Variants in OPCML observed in about 807,000 individuals in gnomAD.
OPCML encodes the protein opioid binding protein/cell adhesion molecule like.
A neutral mutation model predicts 37.8 loss-of-function variants in OPCML; 13 were observed. That is an observed-to-expected ratio of 0.34 (90% confidence interval 0.22 to 0.55). The LOEUF is 0.55. Among genes scored for constraint, OPCML ranks in the 20% least tolerant of loss-of-function variants. The pLI is 0.91. For synonymous variants in OPCML, 176 were observed against 168.8 expected, an observed-to-expected ratio of 1.04 and a Z score of -0.33; for missense variants, 341 against 435.6, an observed-to-expected ratio of 0.78 and a Z score of 1.93.
chr11:133,251,475 G>A (rs916193214), intron 1 of OPCML, among the ~76,000 whole-genome samples: 6 of 151,882 alleles, frequency 4.0e-5, no homozygotes, highest in Non-Finnish European at 7.4e-5. Flanking sequence ...AAAGGAAGGA[G>A]ACTTCAGGGG....
Position 132,914,340 on chromosome 11 carries a change from C to T in OPCML, c.146+28586G>A, listed in dbSNP as rs577733418. On this transcript the variant is annotated intron_variant, in intron 2 of 7. Coordinates refer to ENST00000524381, the MANE Select transcript of OPCML (RefSeq NM_001012393.5). ...TGAACTTGGTAACATTTATATGCAACTGAGTTTGCACATCTAATTACACGA... is the reference window on the plus strand; with the variant it reads ...TGAACTTGGTAACATTTATATGCAATTGAGTTTGCACATCTAATTACACGA... 2.0e-5 allele frequency among the ~76,000 whole-genome samples: 3 copies of T among 152,220 alleles called. No homozygotes were observed. The South Asian group carries it at 6.2e-4, about 32-fold the overall frequency.
At chr11:132,591,025 G>T (rs77901478) in intron 3 of OPCML, among the ~76,000 whole-genome samples, 4,481 of 152,198 alleles carry the variant, frequency 0.029, 252 homozygotes, top group African/African-American at 0.1. Flanking sequence ...ATGTCCCCTA[G>T]ATCTTAGATT....
chr11:132,730,957 T>C (rs990804765), intron 2 of OPCML, among the ~76,000 whole-genome samples: 13 of 152,222 alleles, frequency 8.5e-5, no homozygotes, highest in Non-Finnish European at 1.5e-4. Flanking sequence ...AAAACAGCTC[T>C]TGATGTAAGA....
At chr11:133,135,428 T>C (rs1949673918) in intron 1 of OPCML, among the ~76,000 whole-genome samples, 1 of 142,652 alleles carries the variant, frequency 7.0e-6, no homozygotes, top group Non-Finnish European at 1.5e-5. Flanking sequence ...TCCTATTCTT[T>C]GCCCTCCATA....
chr11:133,359,069 T>C (rs1565591311), intron 1 of OPCML, among the ~76,000 whole-genome samples: 1 of 152,164 alleles, frequency 6.6e-6, no homozygotes, highest in Non-Finnish European at 1.5e-5. Context: ...ATCAGAGGAA[T>C]TTGAAAAGAG....
intron 3 of OPCML, among the ~76,000 whole-genome samples, chr11:132,554,815 C>T (rs1396478294): frequency 6.9e-6 from 1 of 144,970 alleles, no homozygotes; most frequent in Non-Finnish European, 1.5e-5. Context: ...TTGCAAATAG[C>T]ATCCACTGAA....
chr11:133,392,930 A>C (rs904193153), intron 1 of OPCML, among the ~76,000 whole-genome samples: 1 of 152,164 alleles, frequency 6.6e-6, no homozygotes, highest in South Asian at 2.1e-4. Flanking sequence ...CTGGTGAAAA[A>C]TTTGAGTCAT....
At chr11:133,424,424 C>A (rs981371145) in intron 1 of OPCML, among the ~76,000 whole-genome samples, 1 of 151,990 alleles carries the variant, frequency 6.6e-6, no homozygotes, top group Non-Finnish European at 1.5e-5. Context: ...CTGAGATAAC[C>A]ACTTATAAAA....
At chr11:132,451,991 C>A (rs2096069473) in intron 4 of OPCML, among the ~76,000 whole-genome samples, 1 of 152,174 alleles carries the variant, frequency 6.6e-6, no homozygotes, top group Admixed American at 6.5e-5. Context: ...AACCGCTTTG[C>A]TCCCTCCCTG....
intron 3 of OPCML, among the ~76,000 whole-genome samples, chr11:132,614,426 T>C (rs1304883710): frequency 1.3e-5 from 2 of 152,204 alleles, no homozygotes; most frequent in East Asian, 1.9e-4. Context: ...TAGGCCTTGC[T>C]TGAGGCTCCA....
At chr11:132,993,065 C>T (rs531650988) in intron 1 of OPCML, among the ~76,000 whole-genome samples, 1 of 152,290 alleles carries the variant, frequency 6.6e-6, no homozygotes, top group South Asian at 2.1e-4. Context: ...CAGATCCACA[C>T]CCTCCCCAGC....
At chr11:132,591,627 T>A (rs2096484593) in intron 3 of OPCML, among the ~76,000 whole-genome samples, 1 of 152,324 alleles carries the variant, frequency 6.6e-6, no homozygotes, top group East Asian at 1.9e-4. Flanking sequence ...AGTTCATCTC[T>A]CTTTGTCTCA....
intron 3 of OPCML, among the ~76,000 whole-genome samples, chr11:132,569,757 C>T (rs1319039232): frequency 4.6e-5 from 7 of 152,070 alleles, no homozygotes; most frequent in Non-Finnish European, 7.4e-5. Flanking sequence ...ATAAGTGACA[C>T]TGAGCAGATT....
intron 2 of OPCML, among the ~76,000 whole-genome samples, chr11:132,938,218 T>C (rs760055921): frequency 1.4e-4 from 22 of 152,104 alleles, no homozygotes; most frequent in Non-Finnish European, 2.9e-4. Flanking sequence ...ACAGTATCTA[T>C]AGTCAACACA....
At chr11:132,648,124 G>A (rs1941246938) in intron 3 of OPCML, among the ~76,000 whole-genome samples, 1 of 152,150 alleles carries the variant, frequency 6.6e-6, no homozygotes, top group African/African-American at 2.4e-5. Flanking sequence ...CAGTTTACTT[G>A]GATGCTAAAC....
chr11:133,024,950 C>G, intron 1 of OPCML: 1 of 985,412 alleles, frequency 1.0e-6, no homozygotes, highest in Non-Finnish European at 1.2e-6. Flanking sequence ...AACCAATGCG[C>G]ACTGCAGAGC....
chr11:133,524,787 G>A (rs531464490), intron 1 of OPCML, among the ~76,000 whole-genome samples: 27 of 152,266 alleles, frequency 1.8e-4, no homozygotes, highest in South Asian at 6.2e-4. Context: ...GCACATTCCC[G>A]TCTCTCAGAA....
At chr11:132,726,828 C>G (rs374208986) in intron 2 of OPCML, among the ~76,000 whole-genome samples, 2 of 152,290 alleles carry the variant, frequency 1.3e-5, no homozygotes, top group South Asian at 4.1e-4. Flanking sequence ...ATCCAACAGA[C>G]GTAAAGGACA....
At chr11:132,423,322 G>A (rs1381674068) in intron 7 of OPCML, among the ~76,000 whole-genome samples, 2 of 152,210 alleles carry the variant, frequency 1.3e-5, no homozygotes, top group African/African-American at 2.4e-5. Context: ...TGGTCAATTG[G>A]TGTATGAGAA....
Sources: allele counts gnomAD v4.1 joint callset (sites outside exome capture counted in the v4.1 genomes callset), GRCh38; gene constraint gnomAD v4.1.1; transcripts MANE v1.5; gene names NCBI Gene and HGNC (gene_info 2026-07-23, HGNC 2026-07-21).